The following GRIP1 variants were observed in gnomAD, a reference collection of about 807,000 sequenced individuals.
GRIP1 encodes the protein glutamate receptor interacting protein 1, also known as glutamate receptor-interacting protein 1.
GRIP1 carries 45 observed loss-of-function variants against 129.9 expected under a neutral mutation model. The observed-to-expected ratio is 0.35, with a 90% CI of 0.27 to 0.44. GRIP1 has a LOEUF of 0.44. Ranked by LOEUF, GRIP1 falls within the 20% of genes least tolerant of loss-of-function variation. GRIP1 has a pLI of 1.00. For missense variants in GRIP1, 1,196 were observed against 1,396.8 expected, an observed-to-expected ratio of 0.86 and a Z score of 2.29; for synonymous variants, 530 against 520.8, an observed-to-expected ratio of 1.02 and a Z score of -0.24.
At chr12:66,832,208 C>G (rs189943805) in intron 1 of GRIP1, among the ~76,000 whole-genome samples, 2 of 152,276 alleles carry the variant, frequency 1.3e-5, no homozygotes, top group African/African-American at 4.8e-5. Context: ...TTCTGAAATT[C>G]TTACCTTAGT....
rs558676919 is a variant in GRIP1, at chr12:66,810,825, G to A, written c.59-213898C>T. Among the ~76,000 whole-genome samples, 31 of 152,218 alleles carry A rather than the reference G, an allele frequency of 2.0e-4. 1 individual carries two copies. In the South Asian group the frequency reaches 6.4e-3, roughly 32 times the overall value. On this transcript the variant is annotated intron_variant, in intron 1 of 1. Transcript: ENST00000643019. ...GATTCTGTCCAATTTCTACTTATTT[G>A]TGTTGTTTATTAAAGCATAGAGCCA...
chr12:66,375,177 A>G (rs535740772), intron 22 of GRIP1, among the ~76,000 whole-genome samples: 1 of 152,332 alleles, frequency 6.6e-6, no homozygotes, highest in Non-Finnish European at 1.5e-5. Context: ...TTAGCTCATT[A>G]TAATTCCCAT....
chr12:66,694,039 G>A (rs1403452086), intron 1 of GRIP1, among the ~76,000 whole-genome samples: 4 of 152,072 alleles, frequency 2.6e-5, no homozygotes, highest in East Asian at 1.9e-4. Flanking sequence ...CAGCCCAGAC[G>A]GTACTATTAT....
At chr12:66,491,687 A>G (rs1450891048) in intron 7 of GRIP1, among the ~76,000 whole-genome samples, 1 of 152,222 alleles carries the variant, frequency 6.6e-6, no homozygotes. Flanking sequence ...TTGAGGACCA[A>G]TCTTTCAGGA....
intron 7 of GRIP1, among the ~76,000 whole-genome samples, chr12:66,477,276 C>A (rs1327717296): frequency 6.6e-6 from 1 of 152,024 alleles, no homozygotes; most frequent in Non-Finnish European, 1.5e-5. Flanking sequence ...CTCCCATTCA[C>A]AATTGCTTCA....
chr12:66,791,583 G>A (rs992642295), intron 1 of GRIP1, among the ~76,000 whole-genome samples: 1 of 152,164 alleles, frequency 6.6e-6, no homozygotes, highest in African/African-American at 2.4e-5. Context: ...GTCTCGAGGA[G>A]AAACAAATAC....
At chr12:66,507,779 C>CT (rs1037717879) in intron 7 of GRIP1, among the ~76,000 whole-genome samples, 19 of 149,020 alleles carry the variant, frequency 1.3e-4, no homozygotes, top group Admixed American at 4.7e-4. Flanking sequence ...TTCTTTCTTT[C>CT]TTTTTTTTTA....
intron 1 of GRIP1, among the ~76,000 whole-genome samples, chr12:66,924,894 C>T (rs549646356): frequency 5.9e-5 from 9 of 152,150 alleles, no homozygotes; most frequent in African/African-American, 9.6e-5. Context: ...GGTGTGAACC[C>T]GGGAGGTGGA....
chr12:66,920,708 G>C (rs1424359069), intron 1 of GRIP1, among the ~76,000 whole-genome samples: 1 of 152,168 alleles, frequency 6.6e-6, no homozygotes, highest in Non-Finnish European at 1.5e-5. Context: ...TAGCCCAAAA[G>C]GCTTTCCTTA....
At chr12:66,788,616 T>A (rs1308444217) in intron 1 of GRIP1, among the ~76,000 whole-genome samples, 1 of 152,134 alleles carries the variant, frequency 6.6e-6, no homozygotes, top group East Asian at 1.9e-4. Context: ...GGCCCACCTA[T>A]TCTAAGAGTG....
intron 1 of GRIP1, among the ~76,000 whole-genome samples, chr12:66,790,543 G>A (rs2038498315): frequency 6.6e-6 from 1 of 152,022 alleles, no homozygotes; most frequent in African/African-American, 2.4e-5. Context: ...GGTGCAGAGG[G>A]AATACAAAGA....
At chr12:66,743,006 G>A (rs954405872) in intron 1 of GRIP1, among the ~76,000 whole-genome samples, 1 of 152,068 alleles carries the variant, frequency 6.6e-6, no homozygotes. Context: ...AGAAACAGCA[G>A]CCTTTCCTGA....
chr12:66,992,816 A>C lies in GRIP1; in HGVS notation c.58+76234T>G, dbSNP rs2042412989. Among the ~76,000 whole-genome samples the C allele has an allele frequency of 2.0e-5, 3 of 152,232 alleles. No individual in the cohort carries two copies. The South Asian group carries it at 6.2e-4, about 31-fold the overall frequency. On this transcript the variant is annotated intron_variant, in intron 1 of 1. Transcript: ENST00000643019. Reference sequence around the variant, plus strand: ...TTTAAAAACATACTTCCAAATAACCAATGGGTCAAAAAAAGGCCAGGTGTG... The same window carrying C: ...TTTAAAAACATACTTCCAAATAACCCATGGGTCAAAAAAAGGCCAGGTGTG...
intron 1 of GRIP1, among the ~76,000 whole-genome samples, chr12:66,925,188 T>TA (rs1566080792): frequency 6.6e-6 from 1 of 152,088 alleles, no homozygotes; most frequent in Non-Finnish European, 1.5e-5. Context: ...AAAGAATTTT[T>TA]AAAATCACCC....
chr12:66,589,627 A>C (rs1313875387), intron 2 of GRIP1, among the ~76,000 whole-genome samples: 1 of 152,230 alleles, frequency 6.6e-6, no homozygotes, highest in East Asian at 1.9e-4. Context: ...TATTAGAAAA[A>C]TATGATTAGC....
intron 1 of GRIP1, among the ~76,000 whole-genome samples, chr12:66,873,012 G>T (rs1592919502): frequency 6.6e-6 from 1 of 152,176 alleles, no homozygotes; most frequent in East Asian, 1.9e-4. Flanking sequence ...CACATCTGTT[G>T]CCTGGGCTGA....
Position 66,803,469 on chromosome 12 carries a change from T to C in GRIP1, c.-420+584A>G, listed in dbSNP as rs569339154. ...ATAAGCTAAGTTTCAAATGTCTCAATATAGACATATTACGGATACTACAGG... is the reference window on the plus strand; with the variant it reads ...ATAAGCTAAGTTTCAAATGTCTCAACATAGACATATTACGGATACTACAGG... On this transcript the variant is annotated intron_variant, in intron 1 of 4. Coordinates refer to the GRIP1 transcript ENST00000538373. 2.0e-5 allele frequency among the ~76,000 whole-genome samples: 3 copies of C among 152,326 alleles called. No individual in the cohort carries two copies. The South Asian group carries it at 6.2e-4, about 32-fold the overall frequency.
chr12:66,943,703 A>T (rs938472221), intron 1 of GRIP1, among the ~76,000 whole-genome samples: 32 of 152,308 alleles, frequency 2.1e-4, no homozygotes, highest in East Asian at 1.7e-3. Flanking sequence ...AAATCTCTGG[A>T]CCATAGAATA....
intron 1 of GRIP1, among the ~76,000 whole-genome samples, chr12:66,756,902 C>A (rs1043474133): frequency 1.7e-4 from 26 of 152,156 alleles, no homozygotes; most frequent in Non-Finnish European, 7.3e-5. Context: ...ATAACCGCCA[C>A]TATCTCAGTC....
Sources: allele counts gnomAD v4.1 joint callset (sites outside exome capture counted in the v4.1 genomes callset), GRCh38; gene constraint gnomAD v4.1.1; transcripts MANE v1.5; gene names NCBI Gene and HGNC (gene_info 2026-07-23, HGNC 2026-07-21).